Variants in MOK observed in about 807,000 individuals in gnomAD.
MOK encodes the protein MAPK/MAK/MRK overlapping kinase.
MOK carries 59 observed loss-of-function variants against 54.2 expected under a neutral mutation model. The observed-to-expected ratio is 1.09, with a 90% confidence interval of 0.88 to 1.35. MOK has a LOEUF of 1.35. Among genes scored for constraint, MOK ranks in the 40% most tolerant of loss-of-function variants. The pLI is 0.00. For missense variants in MOK, 517 were observed against 526.2 expected (o/e 0.98, Z 0.17); for synonymous variants, 210 against 202.7 (o/e 1.04, Z -0.31).
chr14:102,229,251 G>A lies in MOK; in HGVS notation c.*38C>T. ...ACCCAGGCCTGGCCCGGTCGGGCTT[G>A]GTGTTGCCTCCGAAGTCGAGACGAC... is the stretch of plus-strand genomic sequence containing the variant. On this transcript the variant is annotated 3_prime_UTR_variant, in exon 12 of 12. Transcript: ENST00000361847. 1.3e-6 allele frequency: 2 copies of A among 1,550,912 alleles called. No individual in the cohort carries two copies. The highest frequency in any genetic ancestry group is 2.3e-5 in the East Asian group (1 of 44,396).
chr14:102,280,819 CA>C (rs2069337727), intron 2 of MOK: 1 of 152,134 alleles, frequency 6.6e-6, no homozygotes, highest in Admixed American at 6.6e-5. Context: ...ACAATCTTCC[CA>C]GGGGCTGAGG....
intron 1 of MOK, among the ~76,000 whole-genome samples, chr14:102,299,619 T>G (rs1449753144): frequency 2.0e-5 from 3 of 152,156 alleles, no homozygotes; most frequent in African/African-American, 7.2e-5. Context: ...AGGGTCTTCC[T>G]TTGACATCCA....
chr14:102,225,398 TCTC>T (rs2064202697), downstream of MOK: 1 of 152,610 alleles, frequency 6.6e-6, no homozygotes, highest in African/African-American at 2.4e-5. Flanking sequence ...TTCCTGGTCA[TCTC>T]CTTATTCTGT....
intron 1 of MOK, among the ~76,000 whole-genome samples, chr14:102,301,971 C>T (rs566130077): frequency 2.0e-5 from 3 of 151,930 alleles, no homozygotes; most frequent in South Asian, 4.1e-4. Context: ...AGGCTGGTCT[C>T]GAACTCCTGA....
intron 2 of MOK, among the ~76,000 whole-genome samples, chr14:102,269,819 AAAG>A (rs1168513848): frequency 6.6e-6 from 1 of 152,214 alleles, no homozygotes; most frequent in East Asian, 1.9e-4. Context: ...TGACAATACT[AAAG>A]AAAGAGATGA....
intron 4 of MOK, among the ~76,000 whole-genome samples, chr14:102,254,866 C>G (rs1251805412): frequency 2.0e-5 from 3 of 152,186 alleles, no homozygotes; most frequent in Non-Finnish European, 4.4e-5. Flanking sequence ...TGCTTAGTAC[C>G]TATATTCATG....
chr14:102,274,486 G>A (rs910885886), intron 2 of MOK, among the ~76,000 whole-genome samples: 1 of 150,882 alleles, frequency 6.6e-6, no homozygotes, highest in Admixed American at 6.6e-5. Context: ...GAACTCCTGG[G>A]CTCAAGTGAT....
chr14:102,267,483 T>C (rs2068008828), intron 2 of MOK, among the ~76,000 whole-genome samples: 1 of 152,158 alleles, frequency 6.6e-6, no homozygotes, highest in Non-Finnish European at 1.5e-5. Flanking sequence ...GGAGAATCGC[T>C]TGAACCCAGG....
At chr14:102,224,630 A>G (rs1337777694), downstream of MOK, 5 of 455,844 alleles carry the variant, frequency 1.1e-5, no homozygotes, top group Admixed American at 4.7e-5. Flanking sequence ...CTACATTTTC[A>G]CCATTTGTAT....
At chr14:102,262,841 T>C (rs1485217146) in intron 4 of MOK, among the ~76,000 whole-genome samples, 1 of 152,224 alleles carries the variant, frequency 6.6e-6, no homozygotes, top group Non-Finnish European at 1.5e-5. Context: ...CTAGGTATAA[T>C]GTGATTTGTA....
At chr14:102,259,872 G>A (rs2067245550) in intron 4 of MOK, among the ~76,000 whole-genome samples, 1 of 151,826 alleles carries the variant, frequency 6.6e-6, no homozygotes, top group Non-Finnish European at 1.5e-5. Context: ...GGTGAAACCT[G>A]TCTCTACTAA....
downstream of MOK, among the ~76,000 whole-genome samples, chr14:102,219,569 G>A (rs1311192573): frequency 6.6e-6 from 1 of 152,202 alleles, no homozygotes; most frequent in Non-Finnish European, 1.5e-5. Flanking sequence ...TTCGCCTTCC[G>A]GTTAACTCCT....
At chr14:102,217,342 C>T in the MOK span, among the ~76,000 whole-genome samples, 5 of 152,334 alleles carry the variant, frequency 3.3e-5, no homozygotes, top group East Asian at 9.6e-4. Flanking sequence ...ACCTTCAGAT[C>T]GCAGCGGAGC....
chr14:102,294,046 T>A (rs1159278146), intron 1 of MOK, among the ~76,000 whole-genome samples: 1 of 152,184 alleles, frequency 6.6e-6, no homozygotes, highest in East Asian at 1.9e-4. Flanking sequence ...ATGCCTGTAA[T>A]CCCAGCACTC....
intron 1 of MOK, among the ~76,000 whole-genome samples, chr14:102,298,542 G>A (rs575034906): frequency 6.6e-6 from 1 of 152,332 alleles, no homozygotes; most frequent in South Asian, 2.1e-4. Context: ...GAGAACTTTT[G>A]TGTCTAGCTC....
intron 1 of MOK, among the ~76,000 whole-genome samples, chr14:102,289,343 A>G (rs967562174): frequency 1.3e-5 from 2 of 152,180 alleles, no homozygotes; most frequent in Non-Finnish European, 2.9e-5. Context: ...ACAAAGAAAC[A>G]CAGACTGAGA....
chr14:102,279,716 G>A (rs867596636), intron 2 of MOK, among the ~76,000 whole-genome samples: 1 of 152,120 alleles, frequency 6.6e-6, no homozygotes, highest in Non-Finnish European at 1.5e-5. Flanking sequence ...CCTCAGGCAA[G>A]TAACTAACTT....
At chr14:102,266,727 C>T (rs2067945260) in intron 2 of MOK, among the ~76,000 whole-genome samples, 2 of 152,102 alleles carry the variant, frequency 1.3e-5, no homozygotes, top group Admixed American at 1.3e-4. Context: ...GGATTATAGG[C>T]ACCCGCCACC....
intron 2 of MOK, among the ~76,000 whole-genome samples, chr14:102,271,381 C>A (rs1415571470): frequency 6.6e-6 from 1 of 152,054 alleles, no homozygotes; most frequent in African/African-American, 2.4e-5. Context: ...TAATAAACAT[C>A]ATTGTGGGAG....
Sources: gnomAD v4.1 joint callset for allele counts (sites outside exome capture counted in the v4.1 genomes callset) on GRCh38, gnomAD v4.1.1 for gene constraint, MANE v1.5 for transcripts, NCBI Gene and HGNC (gene_info 2026-07-23, HGNC 2026-07-21) for gene names.